The following PKN2 variants were observed in gnomAD, a reference collection of about 807,000 sequenced individuals.
The protein encoded by PKN2 is serine/threonine-protein kinase N2.
A neutral mutation model predicts 119.1 loss-of-function variants in PKN2; 38 were observed. The ratio of observed to expected loss-of-function variants is 0.32; its 90% CI spans 0.25 to 0.42. The LOEUF (loss-of-function observed/expected upper bound fraction) is 0.42, where lower values mean the gene tolerates loss of function less well. PKN2 is among the 10% of genes least tolerant of loss of function. PKN2 has a pLI of 1.00. For missense variants in PKN2, 850 were observed against 1,165.1 expected, an observed-to-expected ratio of 0.73 and a Z score of 3.94; for synonymous variants, 390 against 384.9, an observed-to-expected ratio of 1.01 and a Z score of -0.15.
At chr1:88,817,969 A>G (rs1036886779) in intron 16 of PKN2, among the ~76,000 whole-genome samples, 3 of 152,188 alleles carry the variant, frequency 2.0e-5, no homozygotes, top group African/African-American at 7.2e-5. Flanking sequence ...TATATTTAGA[A>G]AACCCCATCA....
intron 6 of PKN2, among the ~76,000 whole-genome samples, chr1:88,780,441 C>G (rs969251356): frequency 6.6e-6 from 1 of 152,180 alleles, no homozygotes; most frequent in South Asian, 2.1e-4. Flanking sequence ...AACTATTTAT[C>G]TTTCCAGTCA....
At chr1:88,775,887 C>T (rs141534285) in intron 6 of PKN2, among the ~76,000 whole-genome samples, 2,952 of 151,952 alleles carry the variant, frequency 0.019, 95 homozygotes, top group African/African-American at 0.066. Context: ...GGGTGGATCA[C>T]GAGGTCAGAA....
rs924207761 is a variant in PKN2, at chr1:88,833,995, A to C, written c.*547A>C. The C allele has an allele frequency of 1.3e-5, 2 of 152,088 alleles. No individual in the cohort carries two copies. Among genetic ancestry groups the C allele is most frequent in the African/African-American group, 4.8e-5 (2 of 41,448 alleles). The allele number at this position is 152,088 out of a possible 1,614,324, so 9.4% of individuals were successfully genotyped here. A position where few individuals can be genotyped will look rare whatever the true frequency, so the allele number is the denominator to read the frequency against. ...TCGGGGCTTGATTTTTTTTAAAAAA[A>C]CAGAATGAATTGATGTCTTATTTTA... On this transcript the variant is annotated 3_prime_UTR_variant, in exon 22 of 22. Transcript: ENST00000370521.
intron 3 of PKN2, among the ~76,000 whole-genome samples, chr1:88,761,872 C>T (rs1669458364): frequency 6.6e-6 from 1 of 151,938 alleles, no homozygotes; most frequent in Non-Finnish European, 1.5e-5. Context: ...TTAGCACTGA[C>T]ATTTAGTTTT....
chr1:88,759,115 A>C (rs1282052187), intron 2 of PKN2, among the ~76,000 whole-genome samples: 1 of 152,248 alleles, frequency 6.6e-6, no homozygotes, highest in Non-Finnish European at 1.5e-5. Flanking sequence ...CTGTAATCCC[A>C]GCACTTTGGG....
chr1:88,777,887 C>G (rs1388892254), intron 6 of PKN2, among the ~76,000 whole-genome samples: 2 of 152,188 alleles, frequency 1.3e-5, no homozygotes, highest in African/African-American at 4.8e-5. Context: ...CATTTACAGT[C>G]TCTTCTTTCT....
chr1:88,746,428 T>C (rs1377513846), intron 2 of PKN2, among the ~76,000 whole-genome samples: 3 of 152,066 alleles, frequency 2.0e-5, no homozygotes, highest in Admixed American at 2.0e-4. Flanking sequence ...AATAATCTTA[T>C]TTAAAAAATG....
intron 1 of PKN2, among the ~76,000 whole-genome samples, chr1:88,724,882 G>GTTTTTTTT (rs60507382): frequency 1.3e-4 from 14 of 105,986 alleles, no homozygotes; most frequent in African/African-American, 3.8e-4. Flanking sequence ...CCACCCCTTG[G>GTTTTTTTT]TTTTTTTTTT....
At chr1:88,789,662 CATA>C (rs10573546) in intron 8 of PKN2, among the ~76,000 whole-genome samples, 77,945 of 146,226 alleles carry the variant, frequency 0.53, 20,842 homozygotes, top group Middle Eastern at 0.75. Flanking sequence ...GACTCTATCT[CATA>C]ATAATAATAA....
intron 1 of PKN2, among the ~76,000 whole-genome samples, chr1:88,737,211 G>A (rs915121837): frequency 3.3e-5 from 5 of 152,212 alleles, no homozygotes; most frequent in African/African-American, 9.6e-5. Flanking sequence ...TAGCCTGCCT[G>A]CTGCTGAGGT....
chr1:88,749,622 A>G (rs2100760782), intron 2 of PKN2, among the ~76,000 whole-genome samples: 1 of 152,356 alleles, frequency 6.6e-6, no homozygotes, highest in African/African-American at 2.4e-5. Flanking sequence ...AGTAGGTTCC[A>G]GAGGGCTGTA....
chr1:88,729,971 C>T (rs544453322), intron 1 of PKN2, among the ~76,000 whole-genome samples: 21 of 152,084 alleles, frequency 1.4e-4, no homozygotes, highest in South Asian at 6.2e-4. Context: ...CGAGACCATC[C>T]GGTTTACACA....
chr1:88,691,559 C>T (rs1342396004), intron 1 of PKN2, among the ~76,000 whole-genome samples: 1 of 152,150 alleles, frequency 6.6e-6, no homozygotes, highest in Non-Finnish European at 1.5e-5. Flanking sequence ...ATCTGTCTGT[C>T]AATCATTTTA....
At chr1:88,796,102 A>G (rs1320081277) in intron 8 of PKN2, among the ~76,000 whole-genome samples, 1 of 152,218 alleles carries the variant, frequency 6.6e-6, no homozygotes, top group East Asian at 1.9e-4. Flanking sequence ...TAGCAACTAT[A>G]CAGGTTGAAT....
chr1:88,739,146 G>C (rs1381885208), intron 1 of PKN2, among the ~76,000 whole-genome samples: 1 of 151,980 alleles, frequency 6.6e-6, no homozygotes, highest in African/African-American at 2.4e-5. Context: ...AATTTTCTTT[G>C]TACTATTTTT....
chr1:88,783,214 T>C (rs1255448736), intron 6 of PKN2, among the ~76,000 whole-genome samples: 1 of 152,238 alleles, frequency 6.6e-6, no homozygotes, highest in Non-Finnish European at 1.5e-5. Flanking sequence ...CTTTGATGAA[T>C]ACTTGAAAAC....
At chr1:88,696,255 T>A (rs1666539033) in intron 1 of PKN2, among the ~76,000 whole-genome samples, 1 of 152,232 alleles carries the variant, frequency 6.6e-6, no homozygotes, top group African/African-American at 2.4e-5. Context: ...AAAACCTTGT[T>A]TAGTAACAGT....
intron 3 of PKN2, among the ~76,000 whole-genome samples, chr1:88,761,970 A>C (rs1669466174): frequency 6.6e-6 from 1 of 152,090 alleles, no homozygotes; most frequent in Non-Finnish European, 1.5e-5. Context: ...AGCACATTAT[A>C]CTGAGCATTT....
At position 88,741,227 on chromosome 1, in the gene PKN2, A is replaced by G. The variant is rs764112041; in HGVS notation, c.288A>G (p.Leu96=). Reference sequence around the variant, plus strand: ...AATCAAATAAAAAATTAGAAGAACTACATCACAAGCTGCAGGAATTAAATG... The same window carrying G: ...AATCAAATAAAAAATTAGAAGAACTGCATCACAAGCTGCAGGAATTAAATG... ...LKKSNKKLEE[L]HHKLQELNAH... is the part of the protein sequence containing the mutation. Residue 96 remains leucine, a synonymous_variant, in exon 2 of 22, where the codon CTA becomes CTG. Coordinates refer to ENST00000370521, the MANE Select transcript of PKN2 (RefSeq NM_006256.4). 1.2e-6 allele frequency: 2 copies of G among 1,602,312 alleles called. No individual in the cohort carries two copies. Among genetic ancestry groups the G allele is most frequent in the Admixed American group, 1.7e-5 (1 of 57,616 alleles).
Sources: allele counts gnomAD v4.1 joint callset (sites outside exome capture counted in the v4.1 genomes callset), GRCh38; gene constraint gnomAD v4.1.1; transcripts MANE v1.5; gene names NCBI Gene and HGNC (gene_info 2026-07-23, HGNC 2026-07-21).